Variants in RBFOX1 observed in about 807,000 individuals in gnomAD.
The protein encoded by RBFOX1 is RNA binding fox-1 homolog 1, also known as RNA binding protein fox-1 homolog 1.
Under a neutral mutation model 57.7 loss-of-function variants are expected in RBFOX1, and 8 were observed. That is an observed-to-expected ratio of 0.14 (90% CI 0.08 to 0.25). RBFOX1 has a LOEUF of 0.25. RBFOX1 is among the 10% of genes least tolerant of loss of function. RBFOX1 has a pLI of 1.00. For missense variants in RBFOX1, 611 were observed against 548.5 expected (o/e 1.11, Z -1.14); for synonymous variants, 326 against 222.4 (o/e 1.47, Z -4.15).
Position 5,769,536 on chromosome 16 carries a change from C to A in RBFOX1, c.319-97767C>A, listed in dbSNP as rs898521397. 2.0e-5 allele frequency among the ~76,000 whole-genome samples: 3 copies of A among 151,788 alleles called. No homozygotes were observed. In the East Asian group the frequency reaches 5.8e-4, roughly 29 times the overall value. ...GGTATGGTGGCAGGCACCTGTAATC[C>A]CATCTACTTGGGAGGCTGAGGCAAG... On this transcript the variant is annotated intron_variant, in intron 3 of 19. Coordinates refer to the RBFOX1 transcript ENST00000641259.
chr16:6,483,151 A>G (rs1394887117), intron 2 of RBFOX1: 95 of 1,072,532 alleles, frequency 8.9e-5, no homozygotes, highest in Non-Finnish European at 1.1e-4. Flanking sequence ...AGAGTTTGCA[A>G]AAACATTGGG....
intron 2 of RBFOX1, among the ~76,000 whole-genome samples, chr16:5,540,767 A>C (rs1051459691): frequency 6.6e-6 from 1 of 152,230 alleles, no homozygotes; most frequent in Non-Finnish European, 1.5e-5. Flanking sequence ...TAGCAGCGTC[A>C]GAATCACCTG....
At chr16:7,112,721 A>C in intron 4 of RBFOX1, among the ~76,000 whole-genome samples, 1 of 106,180 alleles carries the variant, frequency 9.4e-6, no homozygotes, top group Non-Finnish European at 2.2e-5. Flanking sequence ...CAAATGGGTC[A>C]AAGTGAAAAG....
At chr16:7,328,307 C>G (rs988234637) in intron 4 of RBFOX1, among the ~76,000 whole-genome samples, 8 of 151,910 alleles carry the variant, frequency 5.3e-5, no homozygotes, top group African/African-American at 1.9e-4. Context: ...TGGTGAAACC[C>G]TGTCTCTACT....
At chr16:7,379,161 C>T (rs984606910) in intron 4 of RBFOX1, among the ~76,000 whole-genome samples, 6 of 152,150 alleles carry the variant, frequency 3.9e-5, no homozygotes, top group Admixed American at 1.3e-4. Context: ...TAGCAGTAAA[C>T]TCTCTTTCCT....
intron 4 of RBFOX1, among the ~76,000 whole-genome samples, chr16:7,363,306 C>T (rs2097366568): frequency 1.3e-5 from 2 of 152,086 alleles, no homozygotes; most frequent in Admixed American, 1.3e-4. Context: ...TCCTGTCTCC[C>T]ATCTAACTAC....
At chr16:6,767,351 G>T (rs997471704) in intron 3 of RBFOX1, among the ~76,000 whole-genome samples, 2 of 152,014 alleles carry the variant, frequency 1.3e-5, no homozygotes, top group African/African-American at 4.8e-5. Context: ...CCATTTCTCT[G>T]CCCCCCTGAG....
chr16:6,741,728 G>C (rs897992306), intron 3 of RBFOX1, among the ~76,000 whole-genome samples: 1 of 151,372 alleles, frequency 6.6e-6, no homozygotes, highest in African/African-American at 2.4e-5. Context: ...ATATTGGAAA[G>C]AAAAGCTATA....
chr16:6,489,062 T>G (rs938802798), intron 2 of RBFOX1, among the ~76,000 whole-genome samples: 2 of 152,198 alleles, frequency 1.3e-5, no homozygotes, highest in African/African-American at 4.8e-5. Context: ...CCTTGGAACA[T>G]CTTTCTTTAT....
chr16:7,391,293 G>T (rs981918108), intron 4 of RBFOX1, among the ~76,000 whole-genome samples: 7 of 152,132 alleles, frequency 4.6e-5, no homozygotes, highest in Admixed American at 4.6e-4. Context: ...GAGTTTTTGG[G>T]CATGTGCCCT....
rs140562493 is a variant in RBFOX1 at position 7,065,308 on chromosome 16, G to A, written c.27+13210G>A. On this transcript the variant is annotated intron_variant, in intron 4 of 15. Coordinates refer to ENST00000550418, the MANE Select transcript of RBFOX1 (RefSeq NM_018723.4). ...CTTTTAGGGATGATCTGATGGAGCC[G>A]TGTAATCTGCTTTCTTCAGGTGCAC... 1.6e-3 allele frequency among the ~76,000 whole-genome samples: 247 copies of A among 152,210 alleles called. 1 individual carries two copies. Among genetic ancestry groups the A allele is most frequent in the African/African-American group, 5.8e-3 (241 of 41,542 alleles).
chr16:5,649,620 A>G (rs2049166546), intron 3 of RBFOX1, among the ~76,000 whole-genome samples: 1 of 152,214 alleles, frequency 6.6e-6, no homozygotes, highest in African/African-American at 2.4e-5. Flanking sequence ...TCCCTGAGAG[A>G]TGCAGCCTCT....
At chr16:6,940,027 C>A (rs558185814) in intron 3 of RBFOX1, among the ~76,000 whole-genome samples, 2 of 152,082 alleles carry the variant, frequency 1.3e-5, no homozygotes, top group East Asian at 3.9e-4. Flanking sequence ...TCAGCCTGGC[C>A]TACAGGGCAA....
At chr16:5,602,568 A>G (rs1025044065), downstream of RBFOX1, among the ~76,000 whole-genome samples, 1 of 152,158 alleles carries the variant, frequency 6.6e-6, no homozygotes, top group Admixed American at 6.5e-5. Context: ...ATATGATTCC[A>G]ATTGTGTGCA....
chr16:6,531,130 A>T (rs909127096), intron 2 of RBFOX1, among the ~76,000 whole-genome samples: 4 of 152,194 alleles, frequency 2.6e-5, no homozygotes, highest in African/African-American at 7.2e-5. Context: ...TACCATGCCC[A>T]GTAGTAGGAT....
At position 6,921,091 on chromosome 16, in the gene RBFOX1, G is replaced by A. The variant is rs148257714; in HGVS notation, c.-15-130966G>A. On this transcript the variant is annotated intron_variant, in intron 3 of 15. Coordinates refer to ENST00000550418, the MANE Select transcript of RBFOX1 (RefSeq NM_018723.4). ...GTTGGTTTGAGCTCCTGCACCATTC[G>A]TTAGCTTTGTGACCATTGATAAGTT... is the stretch of plus-strand genomic sequence containing the variant. 1.9e-3 allele frequency among the ~76,000 whole-genome samples: 295 copies of A among 152,232 alleles called. 4 individuals are homozygous for A. The highest frequency in any genetic ancestry group is 3.1e-3 in the Non-Finnish European group (214 of 67,998).
At chr16:7,307,071 T>C (rs1186378617) in intron 4 of RBFOX1, among the ~76,000 whole-genome samples, 2 of 152,228 alleles carry the variant, frequency 1.3e-5, no homozygotes, top group East Asian at 1.9e-4. Context: ...TATAATTGTT[T>C]AGAAATAAAC....
chr16:6,892,372 A>G (rs995200051), intron 3 of RBFOX1, among the ~76,000 whole-genome samples: 2 of 152,168 alleles, frequency 1.3e-5, no homozygotes, highest in Admixed American at 6.5e-5. Flanking sequence ...AATATCTTAA[A>G]ATATCCAAAG....
At chr16:6,531,896 T>G (rs116809186) in intron 2 of RBFOX1, among the ~76,000 whole-genome samples, 3,241 of 152,308 alleles carry the variant, frequency 0.021, 122 homozygotes, top group African/African-American at 0.075. Flanking sequence ...CAGGAACCAA[T>G]TCCCCTTCTA....
Sources: gnomAD v4.1 joint callset for allele counts (sites outside exome capture counted in the v4.1 genomes callset) on GRCh38, gnomAD v4.1.1 for gene constraint, MANE v1.5 for transcripts, NCBI Gene and HGNC (gene_info 2026-07-23, HGNC 2026-07-21) for gene names.